Variants in GMDS observed in about 807,000 individuals in gnomAD.
GMDS encodes the protein GDP-mannose 4,6-dehydratase.
Under a neutral mutation model 49.9 loss-of-function variants are expected in GMDS, and 20 were observed. The ratio of observed to expected loss-of-function variants is 0.40; its 90% CI spans 0.28 to 0.58. The LOEUF (loss-of-function observed/expected upper bound fraction) is 0.58, where lower values mean the gene tolerates loss of function less well. Among genes scored for constraint, GMDS ranks in the 20% least tolerant of loss-of-function variants. The probability of loss-of-function intolerance (pLI) is 0.42; values close to 1 mark genes in which losing one functional copy is unlikely to be tolerated. For missense variants in GMDS, 362 were observed against 481.4 expected (o/e 0.75, Z 2.32); for synonymous variants, 177 against 178.6 (o/e 0.99, Z 0.07).
intron 4 of GMDS, among the ~76,000 whole-genome samples, chr6:2,023,568 C>T (rs958809768): frequency 2.0e-5 from 3 of 152,102 alleles, no homozygotes; most frequent in Admixed American, 6.6e-5. Context: ...GAACTAAACA[C>T]AGAATACAAA....
At chr6:2,061,876 A>G (rs1276884934) in intron 4 of GMDS, among the ~76,000 whole-genome samples, 1 of 152,114 alleles carries the variant, frequency 6.6e-6, no homozygotes, top group Non-Finnish European at 1.5e-5. Context: ...GTTGACATAA[A>G]TTTTATCTCA....
intron 1 of GMDS, among the ~76,000 whole-genome samples, chr6:2,164,016 C>A (rs762409418): frequency 6.6e-6 from 1 of 152,184 alleles, no homozygotes; most frequent in South Asian, 2.1e-4. Context: ...TCCTAATAAG[C>A]CTTTGAATCC....
chr6:1,843,161 T>C (rs1757224654), intron 7 of GMDS, among the ~76,000 whole-genome samples: 2 of 81,304 alleles, frequency 2.5e-5, no homozygotes, highest in African/African-American at 8.1e-5. Flanking sequence ...AGAGAATTTC[T>C]ACCTGGATTC....
intron 9 of GMDS, among the ~76,000 whole-genome samples, chr6:1,681,792 C>T (rs562316704): frequency 7.9e-5 from 12 of 152,346 alleles, no homozygotes; most frequent in East Asian, 5.8e-4. Context: ...CCTCCCTGCA[C>T]GCTGGTGATC....
chr6:2,089,935 C>G (rs1773224859), intron 4 of GMDS, among the ~76,000 whole-genome samples: 2 of 152,130 alleles, frequency 1.3e-5, no homozygotes, highest in African/African-American at 2.4e-5. Context: ...GCATAATTCA[C>G]CATAAATCTA....
intron 4 of GMDS, among the ~76,000 whole-genome samples, chr6:2,032,290 A>G (rs1435461851): frequency 6.6e-6 from 1 of 152,184 alleles, no homozygotes; most frequent in Admixed American, 6.5e-5. Context: ...AGCCCAGGTC[A>G]AGGATGCCTT....
Position 1,862,010 on chromosome 6 carries a change from A to G in GMDS, c.771+68093T>C, listed in dbSNP as rs12528307. On this transcript the variant is annotated intron_variant, in intron 7 of 10. Coordinates refer to ENST00000380815, the MANE Select transcript of GMDS (RefSeq NM_001500.4). The stretch of plus-strand genomic sequence containing the variant: ...AATTACCCAAACTTTTAAATAATAA[A>G]AAAGCTTCACAGAGAACATTCACTT... Among the ~76,000 whole-genome samples, 506 of 152,344 alleles carry G rather than the reference A, an allele frequency of 3.3e-3. 11 individuals are homozygous for G. Among genetic ancestry groups the G allele is most frequent in the Admixed American group, 0.029 (445 of 15,300 alleles).
chr6:1,779,791 A>G (rs1769004861), intron 7 of GMDS, among the ~76,000 whole-genome samples: 1 of 152,252 alleles, frequency 6.6e-6, no homozygotes, highest in African/African-American at 2.4e-5. Flanking sequence ...TGAAGGCCAC[A>G]GACGTAACTG....
intron 9 of GMDS, among the ~76,000 whole-genome samples, chr6:1,633,781 G>C (rs552796475): frequency 6.6e-6 from 1 of 152,172 alleles, no homozygotes; most frequent in Non-Finnish European, 1.5e-5. Context: ...GGACACAGAG[G>C]CAGGCACTGT....
At chr6:1,999,959 T>A (rs1262446987) in intron 4 of GMDS, among the ~76,000 whole-genome samples, 3 of 12,516 alleles carry the variant, frequency 2.4e-4, no homozygotes, top group Non-Finnish European at 3.4e-4. Context: ...AATATGTATA[T>A]TATATATATA....
At chr6:2,223,017 CTT>C (rs1780659701) in intron 1 of GMDS, among the ~76,000 whole-genome samples, 1 of 152,230 alleles carries the variant, frequency 6.6e-6, no homozygotes, top group Non-Finnish European at 1.5e-5. Flanking sequence ...AACATCAACT[CTT>C]TCCTGTGTCT....
intron 4 of GMDS, among the ~76,000 whole-genome samples, chr6:1,990,720 G>A (rs968150713): frequency 1.3e-5 from 2 of 148,386 alleles, no homozygotes; most frequent in South Asian, 2.2e-4. Flanking sequence ...GACTACAGGC[G>A]CAGATCAGCA....
chr6:2,063,239 G>C (rs1046122946), intron 4 of GMDS, among the ~76,000 whole-genome samples: 6 of 152,198 alleles, frequency 3.9e-5, no homozygotes, highest in Non-Finnish European at 8.8e-5. Context: ...TCAAATTTGG[G>C]ATTGGCCTAT....
At chr6:2,099,714 T>C (rs1773815891) in intron 4 of GMDS, among the ~76,000 whole-genome samples, 1 of 152,086 alleles carries the variant, frequency 6.6e-6, no homozygotes, top group Non-Finnish European at 1.5e-5. Flanking sequence ...GCCTTTTCCA[T>C]CCCAGAATTT....
At chr6:1,681,886 A>G (rs1337316027) in intron 9 of GMDS, among the ~76,000 whole-genome samples, 2 of 152,208 alleles carry the variant, frequency 1.3e-5, no homozygotes, top group East Asian at 3.9e-4. Flanking sequence ...TATAGAGACA[A>G]GGTCTTGCTA....
chr6:1,704,363 T>C (rs1051586997), intron 9 of GMDS, among the ~76,000 whole-genome samples: 1 of 149,194 alleles, frequency 6.7e-6, no homozygotes, highest in East Asian at 2.0e-4. Flanking sequence ...ACTCTGAGGC[T>C]GGCAGAGTGG....
At position 2,082,913 on chromosome 6, in the gene GMDS, C is replaced by A. The variant is rs541968644; in HGVS notation, c.345+32858G>T. Reference sequence around the variant, plus strand: ...GGGTAAAGGTGGTTAAAGTAAGTTACACACCTTGGTACTGACAAGGATTCA... The same window carrying A: ...GGGTAAAGGTGGTTAAAGTAAGTTAAACACCTTGGTACTGACAAGGATTCA... On this transcript the variant is annotated intron_variant, in intron 4 of 10. Coordinates refer to ENST00000380815, the MANE Select transcript of GMDS (RefSeq NM_001500.4). 3.4e-3 allele frequency among the ~76,000 whole-genome samples: 515 copies of A among 152,330 alleles called. 2 individuals are homozygous for A. The highest frequency in any genetic ancestry group is 5.9e-3 in the Non-Finnish European group (401 of 68,034).
intron 4 of GMDS, among the ~76,000 whole-genome samples, chr6:2,112,044 C>T (rs1049148735): frequency 1.3e-4 from 20 of 152,266 alleles, no homozygotes; most frequent in African/African-American, 2.9e-4. Context: ...TCCCCACGCC[C>T]GCTCTGGCCA....
intron 7 of GMDS, among the ~76,000 whole-genome samples, chr6:1,808,192 G>A (rs2113673701): frequency 6.6e-6 from 1 of 152,320 alleles, no homozygotes; most frequent in Admixed American, 6.5e-5. Flanking sequence ...ATGCTTGAAT[G>A]AATGAACAAG....
Sources: allele counts gnomAD v4.1 joint callset (sites outside exome capture counted in the v4.1 genomes callset), GRCh38; gene constraint gnomAD v4.1.1; transcripts MANE v1.5; gene names NCBI Gene and HGNC (gene_info 2026-07-23, HGNC 2026-07-21).